Variants in TOP1 observed in about 807,000 individuals in gnomAD.
The protein encoded by TOP1 is DNA topoisomerase 1.
Under a neutral mutation model 111.1 loss-of-function variants are expected in TOP1, and 10 were observed. The ratio of observed to expected loss-of-function variants is 0.09; its 90% CI spans 0.06 to 0.15. TOP1 has a LOEUF of 0.15. Ranked by LOEUF, TOP1 falls within the 10% of genes least tolerant of loss-of-function variation. The pLI is 1.00. For missense variants in TOP1, 474 were observed against 926.7 expected, an observed-to-expected ratio of 0.51 and a Z score of 6.34; for synonymous variants, 271 against 302.9, an observed-to-expected ratio of 0.89 and a Z score of 1.10.
At chr20:41,088,536 C>G (rs548867016) in intron 8 of TOP1, among the ~76,000 whole-genome samples, 5 of 151,914 alleles carry the variant, frequency 3.3e-5, no homozygotes, top group African/African-American at 1.2e-4. Flanking sequence ...ACACTGTAGT[C>G]GATGAGAAGA....
Position 41,112,956 on chromosome 20 carries a change from G to A in TOP1, c.1452+31G>A. The A allele has an allele frequency of 6.2e-7, 1 of 1,605,208 alleles. No homozygotes were observed. Among genetic ancestry groups the A allele is most frequent in the Non-Finnish European group, 8.5e-7 (1 of 1,174,870 alleles). ...AGCATCTTCCCATCGGCATTGTCTA[G>A]TGTTGAGCTTAACAAAGGGAGTTTC... On this transcript the variant is annotated intron_variant, in intron 14 of 20. Coordinates refer to ENST00000361337, the MANE Select transcript of TOP1 (RefSeq NM_003286.4). The surrounding 1 kb of genome is among the most constrained non-coding windows in gnomAD (Gnocchi z 5.8).
Position 41,029,692 on chromosome 20 carries a change from AC to A in TOP1, c.58+239del. On this transcript the variant is annotated intron_variant, in intron 2 of 20. Coordinates refer to ENST00000361337, the MANE Select transcript of TOP1 (RefSeq NM_003286.4). This position sits in a 1 kb window ranked among gnomAD's most constrained non-coding sequence, Gnocchi z 6.1. ...CAACGGAGACCCCGTGTCGTCCGCC[AC>A]CGGGCCTCGGGCGGTCTTTCCGGGC... The A allele has an allele frequency of 1.7e-6, 1 of 595,084 alleles. No individual in the cohort carries two copies. The allele number at this position is 595,084 out of a possible 1,614,324, so 36.9% of individuals were successfully genotyped here. A position where few individuals can be genotyped will look rare whatever the true frequency, so the allele number is the denominator to read the frequency against.
chr20:41,100,552 T>C lies in TOP1; in HGVS notation c.1163+309T>C, dbSNP rs748232979. The C allele has an allele frequency of 2.0e-5, 5 of 251,062 alleles. No individual in the cohort carries two copies. The highest frequency in any genetic ancestry group is 1.2e-3 in the Middle Eastern group (1 of 806). 15.6% of individuals were successfully genotyped at this position (251,062 alleles called of 1,614,324 possible). On this transcript the variant is annotated intron_variant, in intron 12 of 20. Transcript: ENST00000361337. The surrounding 1 kb of genome is among the most constrained non-coding windows in gnomAD (Gnocchi z 4.4). Reference sequence around the variant, plus strand: ...CTTTTCCATGTTTATTAAGTACTTATCACATAGAGTGGCTATAACTTTTGC... The same window carrying C: ...CTTTTCCATGTTTATTAAGTACTTACCACATAGAGTGGCTATAACTTTTGC...
chr20:41,063,332 A>T (rs60567093), intron 3 of TOP1, among the ~76,000 whole-genome samples: 1 of 152,114 alleles, frequency 6.6e-6, no homozygotes, highest in African/African-American at 2.4e-5. Context: ...TCTTTATCCA[A>T]TCCATCATTG....
chr20:41,038,649 A>G (rs1376214097), intron 2 of TOP1, among the ~76,000 whole-genome samples: 1 of 152,138 alleles, frequency 6.6e-6, no homozygotes, highest in African/African-American at 2.4e-5. Flanking sequence ...GGCTTGCTGC[A>G]TACACACCAC....
intron 3 of TOP1, among the ~76,000 whole-genome samples, chr20:41,068,044 AT>A (rs772891464): frequency 1.9e-4 from 29 of 152,202 alleles, no homozygotes; most frequent in African/African-American, 7.0e-4. Context: ...CCACTACATT[AT>A]TCCTTCCAGT....
chr20:41,037,878 A>G (rs2033209254), intron 2 of TOP1, among the ~76,000 whole-genome samples: 1 of 152,242 alleles, frequency 6.6e-6, no homozygotes. Context: ...GCAGACTTAA[A>G]TTCAATTAAA....
At position 41,092,437 on chromosome 20, in the gene TOP1, G is replaced by T; in HGVS notation, c.615-35G>T. ...TGATGATCCCCATGTTAGACAAGGC[G>T]ATCACTAAATGAGGCTGTGCTTTGT... On this transcript the variant is annotated intron_variant, in intron 8 of 20. Transcript: ENST00000361337. This position sits in a 1 kb window ranked among gnomAD's most constrained non-coding sequence, Gnocchi z 4.3. The T allele has an allele frequency of 1.9e-6, 2 of 1,055,506 alleles. No individual in the cohort carries two copies. The highest frequency in any genetic ancestry group is 2.8e-6 in the Non-Finnish European group (2 of 716,482). The allele number at this position is 1,055,506 out of a possible 1,614,324, so 65.4% of individuals were successfully genotyped here.
rs2034444358 is a variant in TOP1 at position 41,122,876 on chromosome 20, G to A, written c.2196-319G>A. Among the ~76,000 whole-genome samples, 2 of 152,226 alleles carry A rather than the reference G, an allele frequency of 1.3e-5. No individual in the cohort carries two copies. The highest frequency in any genetic ancestry group is 1.3e-4 in the Admixed American group (2 of 15,280). ...ATAGTATAGTGGTTAAGAACATGGA[G>A]AAAAACTGCTTGGGTTCAAATTTCA... On this transcript the variant is annotated intron_variant, in intron 20 of 20. Coordinates refer to ENST00000361337, the MANE Select transcript of TOP1 (RefSeq NM_003286.4). This position sits in a 1 kb window ranked among gnomAD's most constrained non-coding sequence, Gnocchi z 5.4.
In TOP1 at chr20:41,122,974, G is replaced by T. The variant is rs145811145; in HGVS notation, c.2196-221G>T. On this transcript the variant is annotated intron_variant, in intron 20 of 20. Coordinates refer to ENST00000361337, the MANE Select transcript of TOP1 (RefSeq NM_003286.4). This position sits in a 1 kb window ranked among gnomAD's most constrained non-coding sequence, Gnocchi z 5.4. ...GTCTCTGCCTCAGTTTCATCTGTAC[G>T]TTTTTCACTTGTACATCTGCAGAAG... Among the ~76,000 whole-genome samples, 7 of 152,170 alleles carry T rather than the reference G, an allele frequency of 4.6e-5. No individual in the cohort carries two copies. The highest frequency in any genetic ancestry group is 7.3e-5 in the Non-Finnish European group (5 of 68,034).
chr20:41,086,190 G>A (rs1431182175), intron 8 of TOP1, among the ~76,000 whole-genome samples: 1 of 151,792 alleles, frequency 6.6e-6, no homozygotes, highest in African/African-American at 2.4e-5. Context: ...TTGAACCTGG[G>A]AGGCGGAGGT....
chr20:41,036,406 A>G (rs967398917), intron 2 of TOP1, among the ~76,000 whole-genome samples: 2 of 152,216 alleles, frequency 1.3e-5, no homozygotes, highest in African/African-American at 4.8e-5. Context: ...TTCCTATGAA[A>G]CATGATCTGA....
rs1000650969 is a variant in TOP1 at position 41,050,950 on chromosome 20, G to A, written c.59-10444G>A. On this transcript the variant is annotated intron_variant, in intron 2 of 20. Coordinates refer to ENST00000361337, the MANE Select transcript of TOP1 (RefSeq NM_003286.4). Reference sequence around the variant, plus strand: ...GATGTGATATGGGTTTGAAAGTCAGGGAGGAAGTAGAAGATGTAAGGGTTT... The same window carrying A: ...GATGTGATATGGGTTTGAAAGTCAGAGAGGAAGTAGAAGATGTAAGGGTTT... 2.0e-5 allele frequency among the ~76,000 whole-genome samples: 3 copies of A among 152,244 alleles called. No individual in the cohort carries two copies. In the South Asian group the frequency reaches 6.2e-4, roughly 32 times the overall value.
At chr20:41,041,999 C>T (rs1457261567) in intron 2 of TOP1, among the ~76,000 whole-genome samples, 1 of 152,096 alleles carries the variant, frequency 6.6e-6, no homozygotes, top group Non-Finnish European at 1.5e-5. Flanking sequence ...ACCCCCACCT[C>T]CTGGGTTCAA....
intron 2 of TOP1, among the ~76,000 whole-genome samples, chr20:41,037,393 C>T (rs1404519864): frequency 1.3e-5 from 2 of 152,124 alleles, no homozygotes; most frequent in African/African-American, 2.4e-5. Context: ...TCAAAGGCCA[C>T]TATTTTACTT....
intron 3 of TOP1, among the ~76,000 whole-genome samples, chr20:41,062,542 A>G (rs2033558397): frequency 6.6e-6 from 1 of 152,114 alleles, no homozygotes; most frequent in Non-Finnish European, 1.5e-5. Context: ...CAGTAGTTGA[A>G]TCTACTCTAC....
At position 41,106,341 on chromosome 20, in the gene TOP1, C is replaced by T. The variant is rs1031327240; in HGVS notation, c.1308+4988C>T. ...ATTCTTCAAAATTGCTTTGGCTATT[C>T]TTGGCCCTCTGCTGTTTCATATTAA... is the stretch of plus-strand genomic sequence containing the variant. On this transcript the variant is annotated intron_variant, in intron 13 of 20. Transcript: ENST00000361337. This position sits in a 1 kb window ranked among gnomAD's most constrained non-coding sequence, Gnocchi z 4.3. Among the ~76,000 whole-genome samples, 2 of 152,136 alleles carry T rather than the reference C, an allele frequency of 1.3e-5. No individual in the cohort carries two copies. Among genetic ancestry groups the T allele is most frequent in the Admixed American group, 1.3e-4 (2 of 15,274 alleles).
chr20:41,088,328 C>T (rs2033872849), intron 8 of TOP1, among the ~76,000 whole-genome samples: 1 of 152,046 alleles, frequency 6.6e-6, no homozygotes, highest in Non-Finnish European at 1.5e-5. Flanking sequence ...GAAACCCTGT[C>T]TCTGCTAAAA....
rs1185402511 is a variant in TOP1, at chr20:41,124,034, G to T, written c.*737G>T. 1 of 227,704 alleles carries T rather than the reference G, an allele frequency of 4.4e-6. No homozygotes were observed. Among genetic ancestry groups the T allele is most frequent in the African/African-American group, 2.3e-5 (1 of 43,376 alleles). 14.1% of individuals were successfully genotyped at this position (227,704 alleles called of 1,614,324 possible). On this transcript the variant is annotated 3_prime_UTR_variant, in exon 21 of 21. Coordinates refer to ENST00000361337, the MANE Select transcript of TOP1 (RefSeq NM_003286.4). The surrounding 1 kb of genome is among the most constrained non-coding windows in gnomAD (Gnocchi z 5.4). ...TTGGGGTTGGGGAGGGATGAAGGGC[G>T]AGTGAATCTAAGGATAATGAAATAA... is the stretch of plus-strand genomic sequence containing the variant.
Sources: gnomAD v4.1 joint callset for allele counts (sites outside exome capture counted in the v4.1 genomes callset) on GRCh38, gnomAD v4.1.1 for gene constraint, Gnocchi (gnomAD v3.1) non-coding constraint, MANE v1.5 for transcripts, NCBI Gene and HGNC (gene_info 2026-07-23, HGNC 2026-07-21) for gene names.